Variants in COL14A1 observed in about 807,000 individuals in gnomAD.
COL14A1 encodes the protein collagen type XIV alpha 1 chain, also known as collagen alpha-1(XIV) chain.
COL14A1 carries 136 observed loss-of-function variants against 230.3 expected under a neutral mutation model. The observed-to-expected ratio is 0.59, with a 90% CI of 0.51 to 0.68. The LOEUF (loss-of-function observed/expected upper bound fraction) is 0.68, where lower values mean the gene tolerates loss of function less well. COL14A1 is among the 30% of genes least tolerant of loss of function. The probability of loss-of-function intolerance (pLI) is 0.00; values close to 1 mark genes in which losing one functional copy is unlikely to be tolerated. For missense variants in COL14A1, 1,976 were observed against 2,215.8 expected (o/e 0.89, Z 2.17); for synonymous variants, 792 against 784.1 (o/e 1.01, Z -0.17).
intron 5 of COL14A1, among the ~76,000 whole-genome samples, chr8:120,180,475 G>A (rs1316914019): frequency 6.6e-6 from 1 of 152,130 alleles, no homozygotes; most frequent in Non-Finnish European, 1.5e-5. Context: ...CTAGTTTAAG[G>A]ACAGAAATAA....
chr8:120,131,364 A>G (rs1814518438), intron 1 of COL14A1, among the ~76,000 whole-genome samples: 1 of 98,826 alleles, frequency 1.0e-5, no homozygotes, highest in Non-Finnish European at 1.9e-5. Context: ...TTCTCTGCAA[A>G]TCTGTTTTTT....
At chr8:120,329,107 G>GAGAA (rs1278683784) in intron 40 of COL14A1, among the ~76,000 whole-genome samples, 3 of 152,138 alleles carry the variant, frequency 2.0e-5, no homozygotes, top group African/African-American at 7.2e-5. Context: ...AACTTCATCT[G>GAGAA]AGAAATAAGA....
chr8:120,162,143 G>A (rs1465316710), intron 3 of COL14A1, among the ~76,000 whole-genome samples: 1 of 152,098 alleles, frequency 6.6e-6, no homozygotes, highest in Non-Finnish European at 1.5e-5. Context: ...GTTATCTAAT[G>A]TAAAAAGGGT....
chr8:120,342,035 G>A (rs534096028), intron 43 of COL14A1, among the ~76,000 whole-genome samples: 42 of 152,278 alleles, frequency 2.8e-4, no homozygotes, highest in African/African-American at 1.0e-3. Flanking sequence ...TATTAAATGA[G>A]CCACTGCTCG....
In COL14A1 at chr8:120,240,303, G is replaced by A. The variant is rs768803998; in HGVS notation, c.2350-3576G>A. Among the ~76,000 whole-genome samples, 53 of 151,954 alleles carry A rather than the reference G, an allele frequency of 3.5e-4. 1 individual carries two copies. The highest frequency in any genetic ancestry group is 3.0e-3 in the Admixed American group (45 of 15,232). Reference sequence around the variant, plus strand: ...AGATATGTACACACTTGATTTACAGGTGCCCTCTCAGGGACTCACCTGAGG... The same window carrying A: ...AGATATGTACACACTTGATTTACAGATGCCCTCTCAGGGACTCACCTGAGG... On this transcript the variant is annotated intron_variant, in intron 19 of 47. Coordinates refer to ENST00000297848, the MANE Select transcript of COL14A1 (RefSeq NM_021110.4).
chr8:120,187,180 A>C (rs936168617), intron 5 of COL14A1, among the ~76,000 whole-genome samples: 1 of 152,224 alleles, frequency 6.6e-6, no homozygotes, highest in Non-Finnish European at 1.5e-5. Context: ...TTCATTATAT[A>C]AACCATAATT....
At chr8:120,334,585 AACAC>A (rs3054171) in intron 42 of COL14A1, among the ~76,000 whole-genome samples, 339 of 144,790 alleles carry the variant, frequency 2.3e-3, no homozygotes, top group African/African-American at 3.2e-3. Context: ...CACACACAAA[AACAC>A]ACACACACAC....
In COL14A1 at chr8:120,196,807, T is replaced by C; in HGVS notation, c.453T>C (p.Cys151=). The C allele has an allele frequency of 1.2e-6, 2 of 1,613,870 alleles. No individual in the cohort carries two copies. Among genetic ancestry groups the C allele is most frequent in the Non-Finnish European group, 1.7e-6 (2 of 1,179,896 alleles). ...PSSPEEVKFV[C]QTPAIADIVI... is the part of the protein sequence containing the mutation. ...GCTTTGCAGAAGTGAAATTTGTCTG[T>C]CAAACTCCAGCAATTGCTGACATTG... Residue 151 remains cysteine (C), a synonymous_variant, in exon 6 of 48, where the codon TGT becomes TGC. Transcript: ENST00000297848.
At chr8:120,191,558 G>T (rs1026847128) in intron 5 of COL14A1, among the ~76,000 whole-genome samples, 12 of 151,938 alleles carry the variant, frequency 7.9e-5, no homozygotes, top group Middle Eastern at 3.4e-3. Context: ...ATGTCTATTA[G>T]GTCCACTTGG....
chr8:120,125,319 G>T lies in COL14A1; in HGVS notation c.-59G>T, dbSNP rs1282554835. 6.6e-6 allele frequency: 1 copy of T among 152,352 alleles called. No homozygotes were observed. The highest frequency in any genetic ancestry group is 2.4e-5 in the African/African-American group (1 of 41,482). The allele number at this position is 152,352 out of a possible 1,614,324, so 9.4% of individuals were successfully genotyped here. ...TAGGCGCGGAGAGCTCCCAACCTGG[G>T]CTGGAACCTTGCCCAGCACAGGTCA... On this transcript the variant is annotated 5_prime_UTR_variant, in exon 1 of 48. Transcript: ENST00000297848.
At position 120,231,470 on chromosome 8, in the gene COL14A1, T is replaced by C. The variant is rs1488283526; in HGVS notation, c.2201T>C (p.Phe734Ser). ...TCCTTGGTTGTGTTTATTCCAGTTT[T>C]CCAGACGGGAATCAGAAACCTAGTT... ...IVPTTSVTSVFQTGIRNLVVG... is the reference protein window; with the variant it reads ...IVPTTSVTSVSQTGIRNLVVG... The change falls in exon 19 of 48, where the codon TTC (phenylalanine) becomes TCC (serine). Residue 734 changes from phenylalanine to serine, a missense_variant. Transcript: ENST00000297848. 6.2e-7 allele frequency: 1 copy of C among 1,612,490 alleles called. No individual in the cohort carries two copies. Among genetic ancestry groups the C allele is most frequent in the Admixed American group, 1.7e-5 (1 of 59,564 alleles).
intron 5 of COL14A1, among the ~76,000 whole-genome samples, chr8:120,189,538 G>T (rs1816749773): frequency 6.6e-6 from 1 of 151,150 alleles, no homozygotes; most frequent in Non-Finnish European, 1.5e-5. Flanking sequence ...CAATGTGCAG[G>T]TTAGTTACAT....
At position 120,283,010 on chromosome 8, in the gene COL14A1, AC is replaced by A. The variant is rs751478228; in HGVS notation, c.3825-624del. The stretch of plus-strand genomic sequence containing the variant: ...TTCAGGTCCTTATACTTCCTCAATG[AC>A]CAGTCATTGAAAAGAGGTTTCCTAG... On this transcript the variant is annotated intron_variant, in intron 31 of 47. Transcript: ENST00000297848. Among the ~76,000 whole-genome samples, 17 of 152,052 alleles carry A rather than the reference AC, an allele frequency of 1.1e-4. 1 individual carries two copies. The highest frequency in any genetic ancestry group is 2.1e-4 in the Non-Finnish European group (14 of 68,004).
In COL14A1 at chr8:120,372,470, TGAGA is replaced by T. The variant is rs1812192010; in HGVS notation, c.*1240_*1243del. On this transcript the variant is annotated 3_prime_UTR_variant, in exon 48 of 48. Transcript: ENST00000297848. Reference sequence around the variant, plus strand: ...CTCACAAAGGAAAAATCTAGGTATTTGAGAAAGATTTGAATTCTATTATGTGCTA... The same window carrying T: ...CTCACAAAGGAAAAATCTAGGTATTTAAGATTTGAATTCTATTATGTGCTA... 6.6e-6 allele frequency among the ~76,000 whole-genome samples: 1 copy of T among 152,174 alleles called. No individual in the cohort carries two copies. Among genetic ancestry groups the T allele is most frequent in the Non-Finnish European group, 1.5e-5 (1 of 68,018 alleles).
intron 11 of COL14A1, among the ~76,000 whole-genome samples, 161 bp from the exon 12 acceptor site, chr8:120,209,595 C>T (rs1817558016): frequency 6.6e-6 from 1 of 152,048 alleles, no homozygotes; most frequent in African/African-American, 2.4e-5. Context: ...AGCAGTGTTT[C>T]CTGTTTTTCA....
intron 45 of COL14A1, among the ~76,000 whole-genome samples, chr8:120,355,765 C>A: frequency 6.6e-6 from 1 of 152,178 alleles, no homozygotes. Flanking sequence ...ATAATCCTCC[C>A]GAAATTTTTG....
intron 45 of COL14A1, among the ~76,000 whole-genome samples, chr8:120,347,820 A>G (rs1822576328): frequency 1.3e-5 from 2 of 152,146 alleles, no homozygotes; most frequent in Admixed American, 1.3e-4. Flanking sequence ...ATTCTGGATA[A>G]AATAATGTTA....
rs28569442 is a variant in COL14A1, at chr8:120,215,829, G to A, written c.1598-522G>A. On this transcript the variant is annotated intron_variant, in intron 13 of 47. Transcript: ENST00000297848. ...CATTTGCTCAGAGGGGAAGACTGAG[G>A]GAAGAGGCAAGAGGGGAAGGCATCA... Among the ~76,000 whole-genome samples the A allele has an allele frequency of 9.3e-4, 141 of 152,290 alleles. 1 individual carries two copies. Among genetic ancestry groups the A allele is most frequent in the African/African-American group, 3.2e-3 (135 of 41,570 alleles).
At position 120,278,673 on chromosome 8, in the gene COL14A1, G is replaced by A. The variant is rs75838275; in HGVS notation, c.3481+95G>A. On this transcript the variant is annotated intron_variant, in intron 28 of 47. Transcript: ENST00000297848. ...TAGGCTATATCAGCATTACTTAAAT[G>A]TTTTAAAATATTTCTTCATATTAAC... 8,338 of 1,250,036 alleles carry A rather than the reference G, an allele frequency of 6.7e-3. 457 individuals are homozygous for A. In the African/African-American group the frequency reaches 0.12, roughly 17 times the overall value. The allele number at this position is 1,250,036 out of a possible 1,614,324, so 77.4% of individuals were successfully genotyped here. A position where few individuals can be genotyped will look rare whatever the true frequency, so the allele number is the denominator to read the frequency against.
Sources: allele counts gnomAD v4.1 joint callset (sites outside exome capture counted in the v4.1 genomes callset), GRCh38; gene constraint gnomAD v4.1.1; transcripts MANE v1.5; gene names NCBI Gene and HGNC (gene_info 2026-07-23, HGNC 2026-07-21).